Variants in LTBP1 observed in about 807,000 individuals in gnomAD.
LTBP1 encodes the protein latent transforming growth factor beta binding protein 1.
Under a neutral mutation model 207.6 loss-of-function variants are expected in LTBP1, and 129 were observed. That is an observed-to-expected ratio of 0.62 (90% CI 0.54 to 0.72). The LOEUF is 0.72. Among genes scored for constraint, LTBP1 ranks in the 30% least tolerant of loss-of-function variants. The pLI, the probability that LTBP1 is intolerant of heterozygous loss-of-function variation, is 0.00. For missense variants in LTBP1, 2,281 were observed against 2,217.2 expected, an observed-to-expected ratio of 1.03 and a Z score of -0.58; for synonymous variants, 963 against 833.7, an observed-to-expected ratio of 1.16 and a Z score of -2.67.
At chr2:32,977,331 C>T (rs1681958712) in intron 2 of LTBP1, among the ~76,000 whole-genome samples, 1 of 152,212 alleles carries the variant, frequency 6.6e-6, no homozygotes, top group African/African-American at 2.4e-5. Context: ...GAGTCACCTT[C>T]CCTGCCGTCT....
At chr2:33,243,482 A>G (rs946223701) in intron 9 of LTBP1, among the ~76,000 whole-genome samples, 180 bp from the exon 10 acceptor site, 3 of 152,238 alleles carry the variant, frequency 2.0e-5, no homozygotes, top group Non-Finnish European at 4.4e-5. Flanking sequence ...AATATTTGCT[A>G]TATAAATTGT....
chr2:33,034,528 A>G lies in LTBP1; in HGVS notation c.863+13322A>G, dbSNP rs796493728. Among the ~76,000 whole-genome samples, 13 of 152,308 alleles carry G rather than the reference A, an allele frequency of 8.5e-5. No individual in the cohort carries two copies. The South Asian group carries it at 2.1e-3, about 24-fold the overall frequency. ...GATCAGAAAATGGGTTTTGTATTCC[A>G]TATCATCTAGAATGATGACAGGCCT... On this transcript the variant is annotated intron_variant, in intron 3 of 33. Coordinates refer to ENST00000404816, the MANE Select transcript of LTBP1 (RefSeq NM_206943.4).
chr2:33,345,844 C>T (rs112798712), intron 25 of LTBP1, among the ~76,000 whole-genome samples: 2 of 151,958 alleles, frequency 1.3e-5, no homozygotes, highest in African/African-American at 2.4e-5. Flanking sequence ...TGTTTATACA[C>T]GTTTAATGCA....
intron 9 of LTBP1, among the ~76,000 whole-genome samples, chr2:33,225,292 T>C (rs2091369895): frequency 1.3e-5 from 2 of 152,204 alleles, no homozygotes; most frequent in African/African-American, 4.8e-5. Context: ...TTTGAAACTA[T>C]ATAACTACAA....
At chr2:33,251,696 A>G (rs1477445269) in intron 10 of LTBP1, among the ~76,000 whole-genome samples, 1 of 142,766 alleles carries the variant, frequency 7.0e-6, no homozygotes, top group Non-Finnish European at 1.5e-5. Flanking sequence ...AAGATGCTAG[A>G]GGAATTGGGT....
At chr2:33,250,507 G>T (rs1013323184) in intron 10 of LTBP1, among the ~76,000 whole-genome samples, 10 of 152,190 alleles carry the variant, frequency 6.6e-5, no homozygotes, top group African/African-American at 2.4e-4. Context: ...AACCAAGGGA[G>T]CCTGCTCAGC....
At chr2:33,074,576 T>G (rs184606526) in intron 3 of LTBP1, among the ~76,000 whole-genome samples, 1 of 151,878 alleles carries the variant, frequency 6.6e-6, no homozygotes, top group Admixed American at 6.6e-5. Flanking sequence ...CTACTAAAAA[T>G]ACAAAAATTA....
intron 7 of LTBP1, among the ~76,000 whole-genome samples, chr2:33,199,629 A>G (rs1048976635): frequency 1.2e-4 from 19 of 152,348 alleles, no homozygotes; most frequent in South Asian, 8.3e-4. Flanking sequence ...GGCCAGGGCA[A>G]TTAGGCAGGA....
At position 33,188,608 on chromosome 2, in the gene LTBP1, T is replaced by TGTA. The variant is rs1287990068; in HGVS notation, c.1460_1461insAGT (p.Val487dup). Reference sequence around the variant, plus strand: ...TTCCTCCTAACATAGTCAATATCCATGTGAAACATCCTCCTGAAGCTTCCG... The same window carrying TGTA: ...TTCCTCCTAACATAGTCAATATCCATGTAGTGAAACATCCTCCTGAAGCTTCCG... On this transcript the variant is annotated inframe_insertion, in exon 7 of 34. Transcript: ENST00000404816. 4 of 1,613,814 alleles carry TGTA rather than the reference T, an allele frequency of 2.5e-6. No homozygotes were observed. Among genetic ancestry groups the TGTA allele is most frequent in the Non-Finnish European group, 3.4e-6 (4 of 1,179,982 alleles).
intron 32 of LTBP1, among the ~76,000 whole-genome samples, chr2:33,393,546 G>A (rs1225827985): frequency 6.6e-6 from 1 of 151,064 alleles, no homozygotes; most frequent in African/African-American, 2.4e-5. Context: ...GCGGTGTTTG[G>A]TTTTCTGTCC....
At chr2:33,356,496 GGTGAAACCCTGTC>G (rs1467019953) in intron 26 of LTBP1, among the ~76,000 whole-genome samples, 2 of 152,256 alleles carry the variant, frequency 1.3e-5, no homozygotes, top group East Asian at 3.9e-4. Context: ...TGGCTAACAT[GGTGAAACCCTGTC>G]TCTACTAAAA....
chr2:33,128,972 A>T (rs1008151142), intron 4 of LTBP1, among the ~76,000 whole-genome samples: 3 of 152,152 alleles, frequency 2.0e-5, no homozygotes, highest in African/African-American at 7.2e-5. Context: ...GGATTGCCAG[A>T]TGTGTTCTAG....
At chr2:33,324,858 C>T (rs2094406646) in intron 24 of LTBP1, among the ~76,000 whole-genome samples, 2 of 152,080 alleles carry the variant, frequency 1.3e-5, no homozygotes, top group Admixed American at 6.6e-5. Flanking sequence ...TGTGCCACCA[C>T]ACCCGACTAA....
chr2:33,159,198 A>G (rs974770091), intron 5 of LTBP1, among the ~76,000 whole-genome samples: 1 of 152,178 alleles, frequency 6.6e-6, no homozygotes, highest in African/African-American at 2.4e-5. Flanking sequence ...AGTGAGCAGT[A>G]TACTTGCTGC....
At position 33,223,072 on chromosome 2, in the gene LTBP1, C is replaced by T. The variant is rs183860951; in HGVS notation, c.1876+921C>T. On this transcript the variant is annotated intron_variant, in intron 9 of 33. Coordinates refer to ENST00000404816, the MANE Select transcript of LTBP1 (RefSeq NM_206943.4). ...TTCTGAGGCTCTGTATCCTTCACCACCATATGTATTTAGGATACAGTAGAT... is the reference window on the plus strand; with the variant it reads ...TTCTGAGGCTCTGTATCCTTCACCATCATATGTATTTAGGATACAGTAGAT... 3.8e-3 allele frequency among the ~76,000 whole-genome samples: 580 copies of T among 152,192 alleles called. 5 individuals carry two copies. The highest frequency in any genetic ancestry group is 0.013 in the African/African-American group (550 of 41,522).
rs765413798 is a variant in LTBP1 at position 33,364,367 on chromosome 2, A to T, written c.4540+11A>T. 1.1e-5 allele frequency: 17 copies of T among 1,608,560 alleles called. No homozygotes were observed. The highest frequency in any genetic ancestry group is 8.5e-6 in the Non-Finnish European group (10 of 1,178,442). ...CGGCTGAGTCAAACGGTATGTTTCC[A>T]GGAGATGCAAACCTGTGTCCAAATA... On this transcript the variant is annotated intron_variant, in intron 30 of 33. Transcript: ENST00000404816.
At chr2:33,021,457 A>G (rs1040093182) in intron 3 of LTBP1, among the ~76,000 whole-genome samples, 1 of 152,246 alleles carries the variant, frequency 6.6e-6, no homozygotes, top group Non-Finnish European at 1.5e-5. Context: ...TGAGGATTAT[A>G]GGGATCAAGA....
In LTBP1 at chr2:33,242,504, A is replaced by G. The variant is rs375474168; in HGVS notation, c.1877-1158A>G. ...GGGTATCCCAATGTGACCTTGAACT[A>G]TAAAACTGAACTCCTCTTCTTCCTG... On this transcript the variant is annotated intron_variant, in intron 9 of 33. Coordinates refer to ENST00000404816, the MANE Select transcript of LTBP1 (RefSeq NM_206943.4). Among the ~76,000 whole-genome samples, 38 of 152,128 alleles carry G rather than the reference A, an allele frequency of 2.5e-4. No homozygotes were observed. In the South Asian group the frequency reaches 7.5e-3, roughly 30 times the overall value.
intron 3 of LTBP1, among the ~76,000 whole-genome samples, chr2:33,078,862 C>CTTTTTTTTTTTTTTTTTTT (rs34843933): frequency 1.2e-4 from 13 of 106,882 alleles, no homozygotes; most frequent in South Asian, 3.6e-4. Flanking sequence ...CTTTTCTTTT[C>CTTTTTTTTTTTTTTTTTTT]TTTTTTTTTT....
Sources: gnomAD v4.1 joint callset for allele counts (sites outside exome capture counted in the v4.1 genomes callset) on GRCh38, gnomAD v4.1.1 for gene constraint, MANE v1.5 for transcripts, NCBI Gene and HGNC (gene_info 2026-07-23, HGNC 2026-07-21) for gene names.